The following CEP57L1 variants were observed in gnomAD, a reference collection of about 807,000 sequenced individuals.
CEP57L1 encodes centrosomal protein 57 like 1.
Under a neutral mutation model 61.0 loss-of-function variants are expected in CEP57L1, and 37 were observed. The observed-to-expected ratio is 0.61, with a 90% CI of 0.47 to 0.80. The LOEUF (loss-of-function observed/expected upper bound fraction) is 0.80. Ranked by LOEUF, CEP57L1 falls within the 30% of genes least tolerant of loss-of-function variation. CEP57L1 has a pLI of 0.00. For synonymous variants in CEP57L1, 137 were observed against 162.3 expected, an observed-to-expected ratio of 0.84 and a Z score of 1.19; for missense variants, 422 against 524.7, an observed-to-expected ratio of 0.80 and a Z score of 1.91.
At chr6:109,102,403 A>T (rs546395456) in intron 1 of CEP57L1, among the ~76,000 whole-genome samples, 1 of 152,200 alleles carries the variant, frequency 6.6e-6, no homozygotes, top group Non-Finnish European at 1.5e-5. Flanking sequence ...TGGACACACA[A>T]GTCCTATATC....
rs949597869 is a variant in CEP57L1, at chr6:109,166,053, C to A, written c.*3083C>A. 6.6e-6 allele frequency among the ~76,000 whole-genome samples: 1 copy of A among 152,158 alleles called. No individual in the cohort carries two copies. Among genetic ancestry groups the A allele is most frequent in the Non-Finnish European group, 1.5e-5 (1 of 68,042 alleles). Reference sequence around the variant, plus strand: ...GTGTTTGAAGCAGCAGGTATTGTGACTATATTCTGATACTGGAAATGGGAG... The same window carrying A: ...GTGTTTGAAGCAGCAGGTATTGTGAATATATTCTGATACTGGAAATGGGAG... On this transcript the variant is annotated 3_prime_UTR_variant, in exon 11 of 11. Transcript: ENST00000517392.
intron 1 of CEP57L1, among the ~76,000 whole-genome samples, chr6:109,121,180 T>C (rs114162695): frequency 0.017 from 2,573 of 152,296 alleles, 85 homozygotes; most frequent in African/African-American, 0.059. Flanking sequence ...ATTTGTAAGT[T>C]ACACTTTTGG....
At position 109,164,544 on chromosome 6, in the gene CEP57L1, A is replaced by G. The variant is rs1773967276; in HGVS notation, c.*1574A>G. Reference sequence around the variant, plus strand: ...AGATGTTCCATAGGGTGTTTGATCTAAACTCAGTTGCATCACCTTACCTGT... The same window carrying G: ...AGATGTTCCATAGGGTGTTTGATCTGAACTCAGTTGCATCACCTTACCTGT... On this transcript the variant is annotated 3_prime_UTR_variant, in exon 11 of 11. Transcript: ENST00000517392. Among the ~76,000 whole-genome samples, 1 of 152,100 alleles carries G rather than the reference A, an allele frequency of 6.6e-6. No individual in the cohort carries two copies. The highest frequency in any genetic ancestry group is 1.5e-5 in the Non-Finnish European group (1 of 68,022).
chr6:109,141,711 A>G (rs558889124), intron 1 of CEP57L1, among the ~76,000 whole-genome samples: 2 of 152,004 alleles, frequency 1.3e-5, no homozygotes, highest in South Asian at 4.1e-4. Context: ...TTATAATAAG[A>G]TAATAATAAG....
rs575809913 is a variant in CEP57L1, at chr6:109,168,184, G to A, written c.*5214G>A. ...AAATTTTTTGCCTGGTAGCAGTATT[G>A]GTCTAGGATTTTCACTCTTTATTAG... On this transcript the variant is annotated 3_prime_UTR_variant, in exon 11 of 11. Coordinates refer to ENST00000517392, the MANE Select transcript of CEP57L1 (RefSeq NM_001271852.3). Among the ~76,000 whole-genome samples, 47 of 152,220 alleles carry A rather than the reference G, an allele frequency of 3.1e-4. No homozygotes were observed. The highest frequency in any genetic ancestry group is 1.1e-3 in the African/African-American group (46 of 41,534).
chr6:109,165,997 A>G lies in CEP57L1; in HGVS notation c.*3027A>G, dbSNP rs184464292. The G allele has an allele frequency of 1.8e-4, 27 of 152,322 alleles. No homozygotes were observed. The East Asian group carries it at 5.2e-3, about 29-fold the overall frequency. The allele number at this position is 152,322 out of a possible 1,614,324, so 9.4% of individuals were successfully genotyped here. A position where few individuals can be genotyped will look rare whatever the true frequency, so the allele number is the denominator to read the frequency against. On this transcript the variant is annotated 3_prime_UTR_variant, in exon 11 of 11. Coordinates refer to ENST00000517392, the MANE Select transcript of CEP57L1 (RefSeq NM_001271852.3). ...AATTTTCTAGCCAAGGCAGGTCTCAATTTTGATGAAACTGAAGCCAGAAAG... is the reference window on the plus strand; with the variant it reads ...AATTTTCTAGCCAAGGCAGGTCTCAGTTTTGATGAAACTGAAGCCAGAAAG...
chr6:109,143,269 AGTCATTT>A (rs1217713691), intron 1 of CEP57L1, among the ~76,000 whole-genome samples: 2 of 152,248 alleles, frequency 1.3e-5, no homozygotes, highest in African/African-American at 4.8e-5. Context: ...TCCTTTCCTT[AGTCATTT>A]AAGGCTTTTA....
intron 1 of CEP57L1, among the ~76,000 whole-genome samples, chr6:109,115,043 AAATT>A (rs1234831643): frequency 2.6e-5 from 4 of 152,170 alleles, no homozygotes; most frequent in African/African-American, 4.8e-5. Context: ...TAAAGCAACT[AAATT>A]AATCAGATAA....
Position 109,163,286 on chromosome 6 carries a change from A to G in CEP57L1, c.*316A>G, listed in dbSNP as rs1583689611. 9.5e-6 allele frequency: 2 copies of G among 210,962 alleles called. No homozygotes were observed. The highest frequency in any genetic ancestry group is 5.4e-5 in the Admixed American group (1 of 18,462). The allele number at this position is 210,962 out of a possible 1,614,324, so 13.1% of individuals were successfully genotyped here. On this transcript the variant is annotated 3_prime_UTR_variant, in exon 11 of 11. Coordinates refer to ENST00000517392, the MANE Select transcript of CEP57L1 (RefSeq NM_001271852.3). ...TTGACAATATTCAAAATTGAGTTAA[A>G]TCCAAGCTACAAGTACCATTCATTC...
At chr6:109,160,485 A>C in intron 9 of CEP57L1, 87 bp from the exon 10 acceptor site, 4 of 1,072,606 alleles carry the variant, frequency 3.7e-6, no homozygotes, top group Non-Finnish European at 5.4e-6. Flanking sequence ...ACTAAAATTT[A>C]TGATTGAACA....
At chr6:109,098,416 G>T (rs549755647) in intron 1 of CEP57L1, among the ~76,000 whole-genome samples, 3 of 151,798 alleles carry the variant, frequency 2.0e-5, no homozygotes, top group South Asian at 4.2e-4. Context: ...CAAAGTGCTG[G>T]ATTACAGGTG....
chr6:109,154,111 C>T (rs1376937096), intron 5 of CEP57L1, among the ~76,000 whole-genome samples, 162 bp downstream of exon 5: 6 of 152,178 alleles, frequency 3.9e-5, no homozygotes, highest in Non-Finnish European at 5.9e-5. Context: ...AAAGTTAATG[C>T]GTTCTGTCAC....
chr6:109,102,650 G>GT (rs202236892), intron 1 of CEP57L1, among the ~76,000 whole-genome samples: 3,491 of 146,416 alleles, frequency 0.024, 60 homozygotes, highest in African/African-American at 0.033. Flanking sequence ...CCATTTTTTA[G>GT]TTTTTTTTTT....
chr6:109,144,782 A>G (rs984247646), intron 1 of CEP57L1, among the ~76,000 whole-genome samples: 1 of 152,090 alleles, frequency 6.6e-6, no homozygotes, highest in Non-Finnish European at 1.5e-5. Context: ...ATACATTAGA[A>G]TTCAACAATC....
intron 4 of CEP57L1, among the ~76,000 whole-genome samples, chr6:109,153,231 CTTTTT>C (rs34538762): frequency 1.3e-5 from 1 of 78,994 alleles, no homozygotes; most frequent in Non-Finnish European, 2.6e-5. Context: ...CTAATCTGCA[CTTTTT>C]TTTTTTTTTT....
intron 1 of CEP57L1, among the ~76,000 whole-genome samples, chr6:109,099,228 G>A (rs1368343042): frequency 6.6e-6 from 1 of 152,178 alleles, no homozygotes; most frequent in Non-Finnish European, 1.5e-5. Context: ...TTTGATAGGA[G>A]TTGTTGATAT....
intron 1 of CEP57L1, among the ~76,000 whole-genome samples, chr6:109,128,346 C>A (rs747763483): frequency 6.6e-6 from 1 of 152,196 alleles, no homozygotes; most frequent in Non-Finnish European, 1.5e-5. Flanking sequence ...TCTTTCCTCT[C>A]TCCTATTACA....
chr6:109,123,211 G>GT (rs1293895004), intron 1 of CEP57L1, among the ~76,000 whole-genome samples: 2 of 151,960 alleles, frequency 1.3e-5, no homozygotes, highest in African/African-American at 4.8e-5. Flanking sequence ...CCTTATCTTT[G>GT]TTTTTATTAT....
chr6:109,129,435 T>G, intron 1 of CEP57L1: 1 of 627,880 alleles, frequency 1.6e-6, no homozygotes, highest in South Asian at 1.5e-5. Flanking sequence ...TCCAGAGATA[T>G]TCTGTAATTT....
Sources: gnomAD v4.1 joint callset for allele counts (sites outside exome capture counted in the v4.1 genomes callset) on GRCh38, gnomAD v4.1.1 for gene constraint, MANE v1.5 for transcripts, NCBI Gene and HGNC (gene_info 2026-07-23, HGNC 2026-07-21) for gene names.